The following ITGA1 variants were observed in gnomAD, a reference collection of about 807,000 sequenced individuals.
The protein encoded by ITGA1 is integrin subunit alpha 1.
Under a neutral mutation model 145.9 loss-of-function variants are expected in ITGA1, and 85 were observed. The ratio of observed to expected loss-of-function variants is 0.58; its 90% confidence interval spans 0.49 to 0.70. The LOEUF (loss-of-function observed/expected upper bound fraction) is 0.70. Ranked by LOEUF, ITGA1 falls within the 30% of genes least tolerant of loss-of-function variation. The pLI, the probability that ITGA1 is intolerant of heterozygous loss-of-function variation, is 0.00. For synonymous variants in ITGA1, 520 were observed against 495.3 expected, an observed-to-expected ratio of 1.05 and a Z score of -0.66; for missense variants, 1,351 against 1,418.7, an observed-to-expected ratio of 0.95 and a Z score of 0.77.
At chr5:52,828,227 A>G (rs1043384997) in intron 1 of ITGA1, among the ~76,000 whole-genome samples, 26 of 152,304 alleles carry the variant, frequency 1.7e-4, no homozygotes, top group African/African-American at 6.0e-4. Flanking sequence ...AGAACTGCCA[A>G]ACTGTTTTCC....
chr5:52,805,611 A>G (rs963836860), intron 1 of ITGA1, among the ~76,000 whole-genome samples: 3 of 152,092 alleles, frequency 2.0e-5, no homozygotes, highest in African/African-American at 4.8e-5. Context: ...TAAAAATGGT[A>G]ATTAAAAAAA....
intron 1 of ITGA1, among the ~76,000 whole-genome samples, chr5:52,805,165 T>C (rs1324426220): frequency 6.6e-6 from 1 of 152,002 alleles, no homozygotes; most frequent in African/African-American, 2.4e-5. Flanking sequence ...AGAAGAAATA[T>C]GGAGAAATTA....
chr5:52,922,937 A>C (rs1160961887), intron 18 of ITGA1, 50 bp downstream of exon 18: 14 of 1,054,164 alleles, frequency 1.3e-5, no homozygotes, highest in Non-Finnish European at 2.1e-5. Flanking sequence ...GAACATTTTA[A>C]TGTCACTAGT....
At chr5:52,869,530 C>T (rs545067186) in intron 6 of ITGA1, among the ~76,000 whole-genome samples, 2 of 152,168 alleles carry the variant, frequency 1.3e-5, no homozygotes, top group South Asian at 2.1e-4. Flanking sequence ...TATTAGTGTG[C>T]GTGAGTGTGT....
At chr5:52,800,443 A>G (rs1420819825) in intron 1 of ITGA1, 2 of 1,613,732 alleles carry the variant, frequency 1.2e-6, no homozygotes, top group Non-Finnish European at 1.7e-6. Context: ...GGGCCAGGTG[A>G]CCCTGGTCCC....
At chr5:52,792,337 A>C (rs1213732269) in intron 1 of ITGA1, among the ~76,000 whole-genome samples, 1 of 152,190 alleles carries the variant, frequency 6.6e-6, no homozygotes, top group East Asian at 1.9e-4. Flanking sequence ...CAGACAATGT[A>C]TTGTCAGGAA....
chr5:52,921,150 T>C (rs1428900012), intron 17 of ITGA1, among the ~76,000 whole-genome samples: 6 of 152,122 alleles, frequency 3.9e-5, no homozygotes, highest in Non-Finnish European at 5.9e-5. Context: ...TTCCTAAACA[T>C]TTTCTTAAAA....
At chr5:52,898,899 A>C (rs1436465516) in intron 11 of ITGA1, among the ~76,000 whole-genome samples, 4 of 152,194 alleles carry the variant, frequency 2.6e-5, no homozygotes, top group African/African-American at 9.6e-5. Context: ...ACTTAAACCC[A>C]GTGATATAAC....
At chr5:52,818,087 C>T (rs2111697929) in intron 1 of ITGA1, among the ~76,000 whole-genome samples, 1 of 152,220 alleles carries the variant, frequency 6.6e-6, no homozygotes, top group South Asian at 2.1e-4. Context: ...TGGCCTAGAG[C>T]ATGATATAGA....
chr5:52,788,376 G>T lies in ITGA1; in HGVS notation c.23G>T (p.Arg8Leu), dbSNP rs575216826. The T allele has an allele frequency of 1.3e-6, 2 of 1,511,878 alleles. No individual in the cohort carries two copies. Among genetic ancestry groups the T allele is most frequent in the Non-Finnish European group, 1.8e-6 (2 of 1,134,006 alleles). The allele number at this position is 1,511,878 out of a possible 1,614,324, so 93.7% of individuals were successfully genotyped here. A position where few individuals can be genotyped will look rare whatever the true frequency, so the allele number is the denominator to read the frequency against. The change falls in exon 1 of 29, where the codon CGC becomes CTC. Residue 8 changes from arginine to leucine, a missense_variant. Coordinates refer to ENST00000282588, the MANE Select transcript of ITGA1 (RefSeq NM_181501.2). MAPRPRA[R>L]PGVAVACCWL... ...GCCATGGCCCCTCGGCCCCGCGCCC[G>T]CCCAGGGGTCGCTGTCGCCTGCTGC...
intron 1 of ITGA1, chr5:52,803,323 C>T (rs1375614689): frequency 5.3e-5 from 8 of 151,842 alleles, no homozygotes; most frequent in African/African-American, 1.5e-4. Flanking sequence ...ATTATAATTC[C>T]GTGAGTATCT....
intron 14 of ITGA1, among the ~76,000 whole-genome samples, chr5:52,910,712 T>C (rs1276275168): frequency 6.8e-6 from 1 of 147,112 alleles, no homozygotes; most frequent in Non-Finnish European, 1.5e-5. Flanking sequence ...ATATACTATA[T>C]ATGGTATATA....
chr5:52,800,122 G>T (rs1330039967), intron 1 of ITGA1: 2 of 414,166 alleles, frequency 4.8e-6, no homozygotes, highest in Non-Finnish European at 8.8e-6. Flanking sequence ...GTTGCGTGCT[G>T]CCAGCGGGAA....
chr5:52,817,265 G>A (rs2111696550), intron 1 of ITGA1, among the ~76,000 whole-genome samples: 1 of 152,254 alleles, frequency 6.6e-6, no homozygotes, highest in South Asian at 2.1e-4. Flanking sequence ...TCCCAGGCTT[G>A]GTTTCAAGAC....
chr5:52,808,865 C>A (rs58739944), intron 1 of ITGA1, among the ~76,000 whole-genome samples: 46,831 of 151,568 alleles, frequency 0.31, 7,661 homozygotes, highest in African/African-American at 0.43. Context: ...CTTGCTCAAA[C>A]ACAATAGGAG....
rs369614641 is a variant in ITGA1 at position 52,845,101 on chromosome 5, C to T, written c.62-4264C>T. Among the ~76,000 whole-genome samples the T allele has an allele frequency of 1.3e-3, 193 of 152,172 alleles. 2 individuals are homozygous for T. In the South Asian group the frequency reaches 0.017, roughly 13 times the overall value. On this transcript the variant is annotated intron_variant, in intron 1 of 28. Transcript: ENST00000282588. ...GAAAAAAGAAGTACAGCACACACCCCCAGACATTCCACACAACATGTAGAA... is the reference window on the plus strand; with the variant it reads ...GAAAAAAGAAGTACAGCACACACCCTCAGACATTCCACACAACATGTAGAA...
chr5:52,821,828 G>A (rs1029559448), intron 1 of ITGA1, among the ~76,000 whole-genome samples: 1 of 152,026 alleles, frequency 6.6e-6, no homozygotes, highest in Non-Finnish European at 1.5e-5. Flanking sequence ...TTAAAATTAT[G>A]CTAGTATTTT....
chr5:52,912,083 T>C (rs1470313047), intron 14 of ITGA1, among the ~76,000 whole-genome samples: 1 of 142,194 alleles, frequency 7.0e-6, no homozygotes, highest in Non-Finnish European at 1.5e-5. Flanking sequence ...ATATATAGTA[T>C]ATAGATACAC....
rs978319014 is a variant in ITGA1, at chr5:52,819,465, A to G, written c.62-29900A>G. Among the ~76,000 whole-genome samples the G allele has an allele frequency of 3.3e-5, 5 of 152,118 alleles. No homozygotes were observed. The East Asian group carries it at 7.7e-4, about 23-fold the overall frequency. ...GTCTTCTTTTGAGAAGTGTCTGTTC[A>G]TATCCTCTGCCCACTTTTTGATGGA... is the stretch of plus-strand genomic sequence containing the variant. On this transcript the variant is annotated intron_variant, in intron 1 of 28. Transcript: ENST00000282588.
Sources: allele counts gnomAD v4.1 joint callset (sites outside exome capture counted in the v4.1 genomes callset), GRCh38; gene constraint gnomAD v4.1.1; transcripts MANE v1.5; gene names NCBI Gene and HGNC (gene_info 2026-07-23, HGNC 2026-07-21).